GAB2: variants seen among roughly 807,000 people sequenced by gnomAD.
The protein encoded by GAB2 is GRB2 associated binding protein 2, also known as GRB2-associated-binding protein 2.
Under a neutral mutation model 65.5 loss-of-function variants are expected in GAB2, and 26 were observed. That is an observed-to-expected ratio of 0.40 (90% CI 0.29 to 0.55). GAB2 has a LOEUF of 0.55. GAB2 is among the 20% of genes least tolerant of loss of function. The probability of loss-of-function intolerance (pLI) is 0.53; values close to 1 mark genes in which losing one functional copy is unlikely to be tolerated. For synonymous variants in GAB2, 321 were observed against 329.6 expected, an observed-to-expected ratio of 0.97 and a Z score of 0.28; for missense variants, 884 against 875.8, an observed-to-expected ratio of 1.01 and a Z score of -0.12.
At position 78,356,621 on chromosome 11, in the gene GAB2, C is replaced by T. The variant is rs190446117; in HGVS notation, c.75+61025G>A. On this transcript the variant is annotated intron_variant, in intron 1 of 9. Coordinates refer to ENST00000361507, the MANE Select transcript of GAB2 (RefSeq NM_080491.3). ...GTTAGCCTAGATACCATGAATGACA[C>T]TCCCAAAGAAAACAACTTAAAAGCT... is the stretch of plus-strand genomic sequence containing the variant. Among the ~76,000 whole-genome samples the T allele has an allele frequency of 4.1e-4, 63 of 152,244 alleles. No homozygotes were observed. In the East Asian group the frequency reaches 0.011, roughly 27 times the overall value.
intron 1 of GAB2, among the ~76,000 whole-genome samples, chr11:78,353,000 A>C (rs1228263630): frequency 1.3e-5 from 2 of 152,166 alleles, no homozygotes; most frequent in African/African-American, 4.8e-5. Flanking sequence ...TAATTTTTTA[A>C]GGTTCACAGA....
At chr11:78,391,900 A>C (rs1856838089) in intron 1 of GAB2, among the ~76,000 whole-genome samples, 1 of 152,222 alleles carries the variant, frequency 6.6e-6, no homozygotes, top group Non-Finnish European at 1.5e-5. Flanking sequence ...AAGCCAAAGA[A>C]ACTGGAACAA....
At chr11:78,283,026 A>G (rs1031807728) in intron 1 of GAB2, among the ~76,000 whole-genome samples, 1 of 152,196 alleles carries the variant, frequency 6.6e-6, no homozygotes, top group Non-Finnish European at 1.5e-5. Context: ...TCATATGACC[A>G]TGCTGACTGG....
chr11:78,391,629 T>C (rs1203255113), intron 1 of GAB2, among the ~76,000 whole-genome samples: 2 of 152,186 alleles, frequency 1.3e-5, no homozygotes, highest in African/African-American at 4.8e-5. Context: ...CAACTGCAGC[T>C]GAGCAGAGCC....
At chr11:78,355,221 T>C (rs1856340749) in intron 1 of GAB2, among the ~76,000 whole-genome samples, 1 of 152,188 alleles carries the variant, frequency 6.6e-6, no homozygotes. Context: ...TTTACATCTT[T>C]TAGGTTTCAG....
intron 5 of GAB2, 90 bp downstream of exon 5, chr11:78,225,018 A>G: frequency 1.3e-6 from 1 of 784,164 alleles, no homozygotes; most frequent in Non-Finnish European, 2.2e-6. Context: ...GACGCCATCA[A>G]TCTTTTGGGG....
intron 1 of GAB2, among the ~76,000 whole-genome samples, chr11:78,398,785 A>C (rs1209244878): frequency 1.3e-5 from 2 of 152,242 alleles, no homozygotes; most frequent in East Asian, 3.8e-4. Flanking sequence ...GACTCTGAGG[A>C]AATGGCTAGC....
intron 1 of GAB2, among the ~76,000 whole-genome samples, chr11:78,365,202 T>G (rs556876392): frequency 6.6e-6 from 1 of 152,306 alleles, no homozygotes; most frequent in Non-Finnish European, 1.5e-5. Context: ...AAATCTCAGA[T>G]AAGCAGAGGG....
Position 78,250,761 on chromosome 11 carries a change from C to T in GAB2, c.377-361G>A, listed in dbSNP as rs113642489. On this transcript the variant is annotated intron_variant, in intron 2 of 9. Coordinates refer to ENST00000361507, the MANE Select transcript of GAB2 (RefSeq NM_080491.3). ...CGACCACCTTCCCACTCTTTGGTGG[C>T]GCCTGCTGTGGTCAAAGGATGAAAT... Among the ~76,000 whole-genome samples, 5 of 152,180 alleles carry T rather than the reference C, an allele frequency of 3.3e-5. No homozygotes were observed. The East Asian group carries it at 9.6e-4, about 29-fold the overall frequency.
At chr11:78,416,868 A>G (rs869202) in intron 1 of GAB2, among the ~76,000 whole-genome samples, 25,651 of 151,400 alleles carry the variant, frequency 0.17, 2,895 homozygotes, top group East Asian at 0.43. Context: ...ACCTAGAGGG[A>G]AAAGGCTGTT....
At chr11:78,412,148 A>AAC (rs1857138593) in intron 1 of GAB2, among the ~76,000 whole-genome samples, 1 of 152,044 alleles carries the variant, frequency 6.6e-6, no homozygotes, top group African/African-American at 2.4e-5. Flanking sequence ...CAAAAAAAAA[A>AAC]AACCTATATA....
intron 1 of GAB2, among the ~76,000 whole-genome samples, chr11:78,406,638 A>G (rs1364318586): frequency 6.6e-6 from 1 of 152,186 alleles, no homozygotes; most frequent in Non-Finnish European, 1.5e-5. Flanking sequence ...TTGGCCTCCC[A>G]AAGTGCTAGG....
At chr11:78,233,625 T>C (rs1259892105) in intron 3 of GAB2, among the ~76,000 whole-genome samples, 2 of 152,114 alleles carry the variant, frequency 1.3e-5, no homozygotes, top group Non-Finnish European at 2.9e-5. Flanking sequence ...TTTTTTGAGA[T>C]GGAGTCTTGC....
intron 2 of GAB2, among the ~76,000 whole-genome samples, chr11:78,259,588 G>C (rs1865682153): frequency 6.6e-6 from 1 of 152,082 alleles, no homozygotes; most frequent in South Asian, 2.1e-4. Context: ...AAAGGCCTTT[G>C]GCATATATCA....
chr11:78,390,581 G>A lies in GAB2; in HGVS notation c.75+27065C>T, dbSNP rs1856822314. ...TCCAGCATATATAGATATATATAAA[G>A]AAATTGCTAAGAGACTGGTGGACCT... On this transcript the variant is annotated intron_variant, in intron 1 of 9. Transcript: ENST00000361507. Among the ~76,000 whole-genome samples, 3 of 152,106 alleles carry A rather than the reference G, an allele frequency of 2.0e-5. No individual in the cohort carries two copies. In the South Asian group the frequency reaches 6.2e-4, roughly 32 times the overall value.
chr11:78,391,314 A>G (rs753065942), intron 1 of GAB2, among the ~76,000 whole-genome samples: 7 of 152,064 alleles, frequency 4.6e-5, no homozygotes, highest in Non-Finnish European at 7.4e-5. Context: ...AAATAAATAA[A>G]ATAAAAATTA....
At position 78,219,394 on chromosome 11, in the gene GAB2, A is replaced by G. The variant is rs1864305791; in HGVS notation, c.1909T>C (p.Ser637Pro). The G allele has an allele frequency of 6.2e-7, 1 of 1,613,912 alleles. No individual in the cohort carries two copies. Among genetic ancestry groups the G allele is most frequent in the Non-Finnish European group, 8.5e-7 (1 of 1,179,914 alleles). The change falls in exon 10 of 10, where the codon TCT becomes CCT. Residue 637 changes from serine (S) to proline (P), a missense_variant. Ser to Pro is a moderately conservative substitution (Grantham distance 74). Coordinates refer to ENST00000361507, the MANE Select transcript of GAB2 (RefSeq NM_080491.3). ...TGAACGTAGTCCACCTTCTCATCAG[A>G]GGTGACGGATGAAGTAGATGGCTGA... ...HRKPSTSSVT[S>P]DEKVDYVQVD...
At chr11:78,370,721 GTGTA>G (rs1189610832) in intron 1 of GAB2, among the ~76,000 whole-genome samples, 1 of 140,330 alleles carries the variant, frequency 7.1e-6, no homozygotes, top group African/African-American at 3.2e-5. Context: ...GCGTGTGTGT[GTGTA>G]TGTGTGTGTG....
intron 1 of GAB2, among the ~76,000 whole-genome samples, chr11:78,366,585 C>CAAAAAA (rs33997665): frequency 9.1e-5 from 3 of 32,922 alleles, no homozygotes; most frequent in Non-Finnish European, 9.6e-5. Flanking sequence ...GACTCCATCT[C>CAAAAAA]AAAAAAAAAA....
Sources: allele counts gnomAD v4.1 joint callset (sites outside exome capture counted in the v4.1 genomes callset), GRCh38; gene constraint gnomAD v4.1.1; transcripts MANE v1.5; gene names NCBI Gene and HGNC (gene_info 2026-07-23, HGNC 2026-07-21).